Variants in UNC13C observed in about 807,000 individuals in gnomAD.
UNC13C encodes protein unc-13 homolog C.
UNC13C carries 174 observed loss-of-function variants against 245.4 expected under a neutral mutation model. The observed-to-expected ratio is 0.71, with a 90% CI of 0.63 to 0.80. UNC13C has a LOEUF of 0.80. Ranked by LOEUF, UNC13C falls within the 30% of genes least tolerant of loss-of-function variation. The pLI is 0.00. For synonymous variants in UNC13C, 992 were observed against 895.1 expected, an observed-to-expected ratio of 1.11 and a Z score of -1.93; for missense variants, 2,829 against 2,602.9, an observed-to-expected ratio of 1.09 and a Z score of -1.89.
chr15:54,189,819 C>T (rs568352970), intron 4 of UNC13C, among the ~76,000 whole-genome samples: 23 of 151,942 alleles, frequency 1.5e-4, no homozygotes, highest in Non-Finnish European at 2.6e-4. Context: ...TGCTTGATTG[C>T]GGCGGCATCT....
intron 7 of UNC13C, among the ~76,000 whole-genome samples, chr15:54,249,317 A>G (rs1163534153): frequency 1.3e-5 from 2 of 152,088 alleles, no homozygotes; most frequent in Non-Finnish European, 2.9e-5. Flanking sequence ...TTCTGTTATC[A>G]TTATATAATT....
At chr15:54,536,616 C>T (rs1245069469) in intron 26 of UNC13C, among the ~76,000 whole-genome samples, 1 of 151,944 alleles carries the variant, frequency 6.6e-6, no homozygotes, top group East Asian at 1.9e-4. Flanking sequence ...AGCAGCATAT[C>T]AAAAAGCTAT....
At chr15:53,883,513 C>G in the UNC13C span, among the ~76,000 whole-genome samples, 4 of 152,158 alleles carry the variant, frequency 2.6e-5, no homozygotes, top group Non-Finnish European at 5.9e-5. Context: ...AGGAGAGGAC[C>G]AAATGCCAAT....
At chr15:54,570,490 C>A (rs1392581436) in intron 30 of UNC13C, among the ~76,000 whole-genome samples, 3 of 152,134 alleles carry the variant, frequency 2.0e-5, no homozygotes, top group African/African-American at 7.2e-5. Flanking sequence ...AGGGGAGGGA[C>A]AATGCTATGG....
At chr15:54,548,197 TGTTTC>T (rs1319760287) in intron 27 of UNC13C, among the ~76,000 whole-genome samples, 15 of 149,398 alleles carry the variant, frequency 1.0e-4, no homozygotes, top group Non-Finnish European at 1.9e-4. Context: ...GTTGTTGTTT[TGTTTC>T]TTTTGCTTTT....
At chr15:54,045,470 T>A (rs548273670) in intron 2 of UNC13C, among the ~76,000 whole-genome samples, 40 of 152,328 alleles carry the variant, frequency 2.6e-4, no homozygotes, top group African/African-American at 9.1e-4. Context: ...TATATAAGCA[T>A]TGATGCCCAT....
At chr15:54,126,537 T>C (rs940975968) in intron 2 of UNC13C, among the ~76,000 whole-genome samples, 9 of 152,024 alleles carry the variant, frequency 5.9e-5, no homozygotes, top group African/African-American at 2.2e-4. Flanking sequence ...TAAACTCCCA[T>C]ACTACACTGA....
intron 18 of UNC13C, among the ~76,000 whole-genome samples, chr15:54,396,522 C>T (rs1567237540): frequency 6.6e-6 from 1 of 151,446 alleles, no homozygotes; most frequent in Non-Finnish European, 1.5e-5. Flanking sequence ...TTTATTCATT[C>T]ATCTGTTAAA....
chr15:54,342,950 A>G (rs1216807565), intron 17 of UNC13C, among the ~76,000 whole-genome samples: 3 of 152,098 alleles, frequency 2.0e-5, no homozygotes, highest in Non-Finnish European at 4.4e-5. Context: ...CTAGGAGCTA[A>G]ATTGGTGCTC....
chr15:54,445,084 C>A (rs1159863441), intron 19 of UNC13C, among the ~76,000 whole-genome samples: 2 of 150,252 alleles, frequency 1.3e-5, no homozygotes, highest in Non-Finnish European at 3.0e-5. Context: ...TTTGTCCTTG[C>A]GATAGTTTGC....
At chr15:54,089,559 T>A (rs1250021439) in intron 2 of UNC13C, among the ~76,000 whole-genome samples, 1 of 151,924 alleles carries the variant, frequency 6.6e-6, no homozygotes, top group Admixed American at 6.6e-5. Context: ...GGGTAGAGAG[T>A]GCTGAGTGGA....
chr15:54,095,953 G>A (rs1322078216), intron 2 of UNC13C, among the ~76,000 whole-genome samples: 2 of 152,168 alleles, frequency 1.3e-5, no homozygotes, highest in African/African-American at 4.8e-5. Flanking sequence ...TGTCCATGTC[G>A]AATTGAGGAA....
chr15:54,468,825 T>G (rs1449618627), intron 19 of UNC13C, among the ~76,000 whole-genome samples: 2 of 151,720 alleles, frequency 1.3e-5, no homozygotes, highest in Non-Finnish European at 3.0e-5. Context: ...TTTATGTCAA[T>G]ACTATGCACT....
chr15:54,367,215 C>A (rs1032022947), intron 17 of UNC13C, among the ~76,000 whole-genome samples: 3 of 152,024 alleles, frequency 2.0e-5, no homozygotes, highest in Admixed American at 1.3e-4. Context: ...CCAAACCAAC[C>A]AAATAGTTCT....
At chr15:54,527,559 A>G (rs1314834171) in intron 25 of UNC13C, among the ~76,000 whole-genome samples, 1 of 152,166 alleles carries the variant, frequency 6.6e-6, no homozygotes, top group Non-Finnish European at 1.5e-5. Flanking sequence ...GGGAGGTGGA[A>G]TATTCAGGTT....
At chr15:53,987,427 T>C (rs925976281) in intron 1 of UNC13C, among the ~76,000 whole-genome samples, 3 of 152,064 alleles carry the variant, frequency 2.0e-5, no homozygotes, top group African/African-American at 7.2e-5. Context: ...GAAAAGAGAT[T>C]GCAGTGACAC....
intron 13 of UNC13C, among the ~76,000 whole-genome samples, chr15:54,317,740 G>A (rs1169099995): frequency 6.6e-6 from 1 of 151,802 alleles, no homozygotes; most frequent in Non-Finnish European, 1.5e-5. Flanking sequence ...ATTTTTGTGG[G>A]AGAACTTTTA....
intron 4 of UNC13C, among the ~76,000 whole-genome samples, chr15:54,216,637 A>G (rs1434659979): frequency 6.6e-6 from 1 of 151,938 alleles, no homozygotes; most frequent in Admixed American, 6.6e-5. Context: ...ACAGAGAGAA[A>G]TAAAGGAAAA....
chr15:54,337,078 C>G (rs957824677), intron 16 of UNC13C, among the ~76,000 whole-genome samples: 34 of 152,126 alleles, frequency 2.2e-4, no homozygotes, highest in Admixed American at 2.2e-3. Context: ...GACTTTTACT[C>G]TCTCACTTCA....
Sources: allele counts gnomAD v4.1 joint callset (sites outside exome capture counted in the v4.1 genomes callset), GRCh38; gene constraint gnomAD v4.1.1; transcripts MANE v1.5; gene names NCBI Gene and HGNC (gene_info 2026-07-23, HGNC 2026-07-21).